Variants in CTSG observed in about 807,000 individuals in gnomAD.
CTSG encodes the protein cathepsin G.
In CTSG, 23 loss-of-function variants were observed where a neutral mutation model predicts 23.0. The ratio of observed to expected loss-of-function variants is 1.00; its 90% confidence interval spans 0.72 to 1.42. The LOEUF (loss-of-function observed/expected upper bound fraction) is 1.42, where lower values mean the gene tolerates loss of function less well. Among genes scored for constraint, CTSG ranks in the 40% most tolerant of loss-of-function variants. CTSG has a pLI of 0.00. For missense variants in CTSG, 312 were observed against 326.2 expected (o/e 0.96, Z 0.33); for synonymous variants, 140 against 130.4 (o/e 1.07, Z -0.50).
At chr14:24,576,137 T>C in intron 1 of CTSG, 32 bp downstream of exon 1, 1 of 1,596,262 alleles carries the variant, frequency 6.3e-7, no homozygotes, top group Non-Finnish European at 8.5e-7. Flanking sequence ...TGGGATGAGG[T>C]CAGGCCTCTG....
intron 1 of CTSG, 38 bp downstream of exon 1, chr14:24,576,131 A>G: frequency 6.3e-7 from 1 of 1,586,684 alleles, no homozygotes; most frequent in South Asian, 1.1e-5. Context: ...AATCTATGGG[A>G]TGAGGTCAGG....
chr14:24,573,893 G>T, intron 4 of CTSG, 83 bp from the exon 5 acceptor site: 2 of 1,314,160 alleles, frequency 1.5e-6, no homozygotes, highest in Non-Finnish European at 1.1e-6. Context: ...GGGAAGGCAG[G>T]GGTGGGTGGG....
chr14:24,574,298 G>A lies in CTSG; in HGVS notation c.541C>T (p.Pro181Ser), dbSNP rs777174615. 1 of 1,601,002 alleles carries A rather than the reference G, an allele frequency of 6.2e-7. No homozygotes were observed. The highest frequency in any genetic ancestry group is 8.5e-7 in the Non-Finnish European group (1 of 1,179,946). Residue 181 changes from proline (P) to serine (S), a missense_variant, in exon 4 of 5, where the codon CCC becomes TCC. Pro to Ser is a moderately conservative substitution (Grantham distance 74). Transcript: ENST00000216336. ...QCLRIFGSYD[P>S]RRQICVGDRR... ...TCCCCCACACAAATCTGCCTTCGGG[G>A]GTCGTAGGAACCGAAGATGCGGAGG...
chr14:24,575,999 C>T (rs563785902), intron 1 of CTSG, among the ~76,000 whole-genome samples, 170 bp downstream of exon 1: 82 of 152,348 alleles, frequency 5.4e-4, no homozygotes, highest in African/African-American at 1.9e-3. Flanking sequence ...TTATTTAACT[C>T]TCATGGCAAC....
chr14:24,574,633 C>G (rs979428710), intron 3 of CTSG, 42 bp downstream of exon 3: 5 of 1,613,830 alleles, frequency 3.1e-6, no homozygotes, highest in Non-Finnish European at 4.2e-6. Context: ...CCATTGTCCC[C>G]GGACACACTA....
chr14:24,574,576 T>A, intron 3 of CTSG, 77 bp from the exon 4 acceptor site: 1 of 1,610,178 alleles, frequency 6.2e-7, no homozygotes, highest in Non-Finnish European at 8.5e-7. Flanking sequence ...GCAGTACACA[T>A]CCCATGCCCT....
intron 3 of CTSG, 78 bp downstream of exon 3, chr14:24,574,597 C>T (rs1234629449): frequency 8.1e-6 from 13 of 1,611,766 alleles, no homozygotes; most frequent in Non-Finnish European, 1.1e-5. Flanking sequence ...CCCCGCCACC[C>T]CGGAGCCTTG....
intron 3 of CTSG, 47 bp from the exon 4 acceptor site, chr14:24,574,546 A>G (rs1459064607): frequency 6.2e-7 from 1 of 1,611,762 alleles, no homozygotes; most frequent in African/African-American, 1.3e-5. Flanking sequence ...GCCTCCAGCC[A>G]AGGCTCGGGG....
chr14:24,573,859 G>A (rs1228616799), intron 4 of CTSG, 49 bp from the exon 5 acceptor site: 1 of 1,550,818 alleles, frequency 6.4e-7, no homozygotes, highest in Non-Finnish European at 8.8e-7. Context: ...CCCTGCTCCT[G>A]CTTCCCTGAG....
Position 24,574,425 on chromosome 14 carries a change from G to A in CTSG, c.414C>T (p.Pro138=), listed in dbSNP as rs2138450293. The change falls in exon 4 of 5, where the codon CCC becomes CCT. Residue 138 remains proline, a synonymous_variant. Transcript: ENST00000216336. ...AGCCGGCCACAGTGCACAGCGTCCC[G>A]GGTCTCAGTCCCTCCTGGGCTCTAG... ...ALPRAQEGLR[P]GTLCTVAGWG... 3 of 1,613,636 alleles carry A rather than the reference G, an allele frequency of 1.9e-6. No individual in the cohort carries two copies. Among genetic ancestry groups the A allele is most frequent in the Non-Finnish European group, 2.5e-6 (3 of 1,180,036 alleles).
chr14:24,574,738 G>A lies in CTSG; in HGVS notation c.276C>T (p.Arg92=). 4 of 1,614,212 alleles carry A rather than the reference G, an allele frequency of 2.5e-6. No individual in the cohort carries two copies. The highest frequency in any genetic ancestry group is 3.4e-6 in the Non-Finnish European group (4 of 1,180,032). Residue 92 remains arginine, a synonymous_variant, in exon 3 of 5, where the codon CGC becomes CGT. Transcript: ENST00000216336. ...TATATTGAGGGTGGCGGATGGCTCT[G>A]CGCGCAGTGATGTGTTGCTGGGTGT... ...RENTQQHITA[R]RAIRHPQYNQ...
At chr14:24,573,832 G>T (rs1297537119) in intron 4 of CTSG, 22 bp from the exon 5 acceptor site, 3 of 1,604,208 alleles carry the variant, frequency 1.9e-6, no homozygotes, top group East Asian at 4.5e-5. Context: ...GAGGAGAAGG[G>T]AGACTGAGAC....
In CTSG at chr14:24,573,749, T is replaced by C. The variant is rs138110777; in HGVS notation, c.656A>G (p.Lys219Arg). 1.8e-4 allele frequency: 297 copies of C among 1,614,112 alleles called. No homozygotes were observed. The African/African-American group carries it at 3.5e-3, about 19-fold the overall frequency. Residue 219 changes from lysine to arginine, a missense_variant, in exon 5 of 5, where the codon AAG (lysine) becomes AGG (arginine). Coordinates refer to ENST00000216336, the MANE Select transcript of CTSG (RefSeq NM_001911.3). ...NVAHGIVSYG[K>R]SSGVPPEVFT... ...GACTTCTGGAGGAACCCCTGACGACTTTCCATAGGAGACGATGCCGTGGGC... is the reference window on the plus strand; with the variant it reads ...GACTTCTGGAGGAACCCCTGACGACCTTCCATAGGAGACGATGCCGTGGGC...
In CTSG at chr14:24,573,810, C is replaced by T. The variant is rs752871027; in HGVS notation, c.595G>A (p.Gly199Arg). 7 of 1,613,426 alleles carry T rather than the reference C, an allele frequency of 4.3e-6. No individual in the cohort carries two copies. The highest frequency in any genetic ancestry group is 5.9e-6 in the Non-Finnish European group (7 of 1,179,772). ...DRRERKAAFK[G>R]DSGGPLLCNN... ...CACAGCAGGGGGCCTCCGGAATCCC[C>T]CTGTAGGTAGAGAGGAGAAGGGAGA... The change falls in exon 5 of 5, where the codon GGG (glycine) becomes AGG (arginine). Residue 199 changes from glycine to arginine, a missense_variant and splice_region_variant. Transcript: ENST00000216336.
At chr14:24,574,624 C>T in intron 3 of CTSG, 51 bp downstream of exon 3, 1 of 1,613,602 alleles carries the variant, frequency 6.2e-7, no homozygotes. Flanking sequence ...CTTCCTCCTC[C>T]ATTGTCCCCG....
chr14:24,573,724 G>C lies in CTSG; in HGVS notation c.681C>G (p.Val227=). 1 of 1,614,154 alleles carries C rather than the reference G, an allele frequency of 6.2e-7. No homozygotes were observed. The highest frequency in any genetic ancestry group is 8.5e-7 in the Non-Finnish European group (1 of 1,180,020). The change falls in exon 5 of 5, where the codon GTC becomes GTG. Residue 227 remains valine, a synonymous_variant. Coordinates refer to ENST00000216336, the MANE Select transcript of CTSG (RefSeq NM_001911.3). The part of the protein sequence containing the change: ...YGKSSGVPPE[V]FTRVSSFLPW... ...GCAGGAAACTTGAGACCCTGGTGAA[G>C]ACTTCTGGAGGAACCCCTGACGACT...
At chr14:24,575,837 TA>T (rs1378820493) in intron 1 of CTSG, among the ~76,000 whole-genome samples, 2 of 152,166 alleles carry the variant, frequency 1.3e-5, no homozygotes, top group Non-Finnish European at 2.9e-5. Context: ...GACTGGTGTT[TA>T]AAAATCTAGA....
rs1254217085 is a variant in CTSG at position 24,575,413 on chromosome 14, C to G, written c.56-1G>C. On this transcript the variant is annotated splice_acceptor_variant, in intron 1 of 4. Transcript: ENST00000216336. LOFTEE classifies it high-confidence loss of function. Reference sequence around the variant, plus strand: ...CTCTCCCGGCCTCCGATGATCTCCCCTGGAAGGAAGCATTTGGCACTTAGC... The same window carrying G: ...CTCTCCCGGCCTCCGATGATCTCCCGTGGAAGGAAGCATTTGGCACTTAGC... The G allele has an allele frequency of 3.7e-6, 6 of 1,614,022 alleles. No individual in the cohort carries two copies. The highest frequency in any genetic ancestry group is 5.1e-6 in the Non-Finnish European group (6 of 1,180,036).
rs927180399 is a variant in CTSG at position 24,576,218 on chromosome 14, C to T, written c.6G>A (p.Gln2=). 2 of 1,607,562 alleles carry T rather than the reference C, an allele frequency of 1.2e-6. No individual in the cohort carries two copies. Among genetic ancestry groups the T allele is most frequent in the Non-Finnish European group, 1.7e-6 (2 of 1,177,262 alleles). ...GAAAGGCCAGCAGAAGCAGGAGTGG[C>T]TGCATCTTTCCTGAAAGGCTGCCCA... M[Q]PLLLLLAFLL... The change falls in exon 1 of 5, where the codon CAG becomes CAA. Residue 2 remains glutamine (Q), a synonymous_variant. Transcript: ENST00000216336.
Sources: allele counts gnomAD v4.1 joint callset (sites outside exome capture counted in the v4.1 genomes callset), GRCh38; gene constraint gnomAD v4.1.1; transcripts MANE v1.5; gene names NCBI Gene and HGNC (gene_info 2026-07-23, HGNC 2026-07-21).